Variants in PUM1 observed in about 807,000 individuals in gnomAD.
PUM1 encodes the protein pumilio homolog 1.
In PUM1, 13 loss-of-function variants were observed where a neutral mutation model predicts 131.8. The observed-to-expected ratio is 0.10, with a 90% CI of 0.06 to 0.16. The LOEUF (loss-of-function observed/expected upper bound fraction) is 0.16. Ranked by LOEUF, PUM1 falls within the 10% of genes least tolerant of loss-of-function variation. The pLI, the probability that PUM1 is intolerant of heterozygous loss-of-function variation, is 1.00. For synonymous variants in PUM1, 509 were observed against 556.5 expected, an observed-to-expected ratio of 0.91 and a Z score of 1.20; for missense variants, 961 against 1,512.4, an observed-to-expected ratio of 0.64 and a Z score of 6.05.
intron 3 of PUM1, among the ~76,000 whole-genome samples, chr1:31,017,198 T>C (rs532190690): frequency 6.6e-6 from 1 of 152,298 alleles, no homozygotes; most frequent in African/African-American, 2.4e-5. Context: ...TAAAAGACAT[T>C]CTTTGCCCTG....
intron 3 of PUM1, among the ~76,000 whole-genome samples, chr1:31,023,924 CAAAA>C (rs11373685): frequency 1.5e-4 from 12 of 82,142 alleles, no homozygotes; most frequent in Non-Finnish European, 2.1e-4. Flanking sequence ...GACTCTGTCT[CAAAA>C]AAAAAAAAAA....
intron 9 of PUM1, among the ~76,000 whole-genome samples, chr1:30,975,257 C>T (rs1641085274): frequency 6.6e-6 from 1 of 152,120 alleles, no homozygotes; most frequent in African/African-American, 2.4e-5. Flanking sequence ...GTTTCATTAA[C>T]TCCAGAAAAA....
chr1:30,981,427 G>A (rs766915628), intron 7 of PUM1, 22 bp from the exon 8 acceptor site: 23 of 1,475,616 alleles, frequency 1.6e-5, no homozygotes, highest in Middle Eastern at 1.7e-4. Context: ...GGAAAAACAC[G>A]GTGTGGTTAG....
At chr1:30,998,562 T>C (rs550064014) in intron 5 of PUM1, among the ~76,000 whole-genome samples, 1 of 152,322 alleles carries the variant, frequency 6.6e-6, no homozygotes, top group South Asian at 2.1e-4. Flanking sequence ...GAAGACCACT[T>C]GAGCTCAGGG....
At position 31,065,686 on chromosome 1, in the gene PUM1, T is replaced by A; in HGVS notation, c.-82A>T. The stretch of plus-strand genomic sequence containing the variant: ...TCTCTCTGGCGCTCTCGCTCCCCCT[T>A]ACCTTTCACTCCGACAACATGGCGG... On this transcript the variant is annotated 5_prime_UTR_variant, in exon 1 of 22. Transcript: ENST00000426105. 6.5e-7 allele frequency: 1 copy of A among 1,549,624 alleles called. No individual in the cohort carries two copies. Among genetic ancestry groups the A allele is most frequent in the Non-Finnish European group, 8.7e-7 (1 of 1,146,746 alleles).
At chr1:31,012,957 C>T (rs908558899) in intron 3 of PUM1, among the ~76,000 whole-genome samples, 3 of 152,122 alleles carry the variant, frequency 2.0e-5, no homozygotes, top group Admixed American at 1.3e-4. Flanking sequence ...TATAAAATGA[C>T]CTATTGTGTA....
intron 14 of PUM1, among the ~76,000 whole-genome samples, chr1:30,958,373 A>G (rs1640257907): frequency 6.6e-6 from 1 of 152,116 alleles, no homozygotes; most frequent in Non-Finnish European, 1.5e-5. Context: ...CATTTTTACT[A>G]TTATATATTT....
At chr1:30,993,399 T>C (rs1641870469) in intron 6 of PUM1, among the ~76,000 whole-genome samples, 1 of 150,868 alleles carries the variant, frequency 6.6e-6, no homozygotes, top group Non-Finnish European at 1.5e-5. Flanking sequence ...CACAAGGTTC[T>C]GGGTAACCCA....
intron 21 of PUM1, 52 bp from the exon 22 acceptor site, chr1:30,933,394 C>T: frequency 1.3e-6 from 2 of 1,543,280 alleles, no homozygotes; most frequent in Admixed American, 1.7e-5. Flanking sequence ...GACTTGGGGG[C>T]AGGCTTCCCG....
intron 5 of PUM1, among the ~76,000 whole-genome samples, chr1:31,003,322 A>C (rs970751929): frequency 2.0e-5 from 3 of 152,234 alleles, no homozygotes; most frequent in Non-Finnish European, 4.4e-5. Flanking sequence ...ACTTTCCTCA[A>C]GAAGATGTAT....
intron 3 of PUM1, among the ~76,000 whole-genome samples, chr1:31,012,213 TA>T (rs11372153): frequency 1.2e-4 from 17 of 147,482 alleles, no homozygotes; most frequent in Non-Finnish European, 1.3e-4. Context: ...TTTTTTTCCT[TA>T]AAAAAAAAAA....
chr1:30,998,226 A>AAT (rs1257969400), intron 5 of PUM1, among the ~76,000 whole-genome samples: 4 of 152,224 alleles, frequency 2.6e-5, no homozygotes, highest in African/African-American at 9.6e-5. Flanking sequence ...ACTTAAAAGA[A>AAT]AAAAGAAACT....
chr1:31,059,700 T>C, intron 1 of PUM1, 123 bp from the exon 2 acceptor site: 1 of 1,158,438 alleles, frequency 8.6e-7, no homozygotes. Context: ...GCATGCACTC[T>C]GGCAAGGTAT....
chr1:30,978,365 G>T (rs1192095093), intron 9 of PUM1, among the ~76,000 whole-genome samples: 1 of 152,198 alleles, frequency 6.6e-6, no homozygotes, highest in Non-Finnish European at 1.5e-5. Flanking sequence ...CCTGACAAAA[G>T]TTAAGTGCTC....
At chr1:31,058,487 C>T (rs780173434) in intron 2 of PUM1, among the ~76,000 whole-genome samples, 14 of 151,356 alleles carry the variant, frequency 9.2e-5, no homozygotes, top group Non-Finnish European at 1.5e-4. Context: ...AGTGAAACCC[C>T]GTCTCTACCA....
chr1:31,001,684 A>T (rs1042871375), intron 5 of PUM1, among the ~76,000 whole-genome samples: 4 of 152,176 alleles, frequency 2.6e-5, no homozygotes, highest in Non-Finnish European at 5.9e-5. Flanking sequence ...TTGTCTTTTT[A>T]AAAAAATACT....
At chr1:30,948,651 T>C (rs369498709) in intron 17 of PUM1, among the ~76,000 whole-genome samples, 25 of 152,212 alleles carry the variant, frequency 1.6e-4, no homozygotes, top group Middle Eastern at 3.4e-3. Flanking sequence ...CTCAGGAGGC[T>C]AAGATGGGAG....
chr1:30,941,545 C>T (rs1267078590), intron 19 of PUM1, among the ~76,000 whole-genome samples: 4 of 152,074 alleles, frequency 2.6e-5, no homozygotes, highest in South Asian at 2.1e-4. Flanking sequence ...TTCTCAAACA[C>T]ATATACAAAT....
At chr1:31,034,240 T>G (rs539489735) in intron 2 of PUM1, among the ~76,000 whole-genome samples, 1 of 152,322 alleles carries the variant, frequency 6.6e-6, no homozygotes, top group South Asian at 2.1e-4. Flanking sequence ...GAACGTCCCT[T>G]TACTGGAGCC....
Sources: gnomAD v4.1 joint callset for allele counts (sites outside exome capture counted in the v4.1 genomes callset) on GRCh38, gnomAD v4.1.1 for gene constraint, MANE v1.5 for transcripts, NCBI Gene and HGNC (gene_info 2026-07-23, HGNC 2026-07-21) for gene names.